The following AKAP13 variants were observed in gnomAD, a reference collection of about 807,000 sequenced individuals.
AKAP13 encodes the protein A-kinase anchoring protein 13, also known as A-kinase anchor protein 13.
In AKAP13, 80 loss-of-function variants were observed where a neutral mutation model predicts 264.5. The observed-to-expected ratio is 0.30, with a 90% CI of 0.25 to 0.36. The LOEUF (loss-of-function observed/expected upper bound fraction) is 0.36. Among genes scored for constraint, AKAP13 ranks in the 10% least tolerant of loss-of-function variants. The pLI is 1.00. For missense variants in AKAP13, 3,712 were observed against 3,435.2 expected (o/e 1.08, Z -2.01); for synonymous variants, 1,380 against 1,250.2 (o/e 1.10, Z -2.19).
At chr15:85,555,507 C>T in intron 5 of AKAP13, 5 of 1,240,192 alleles carry the variant, frequency 4.0e-6, no homozygotes, top group Non-Finnish European at 5.3e-6. Context: ...TATCAGCTTC[C>T]AGACCAATGC....
intron 1 of AKAP13, among the ~76,000 whole-genome samples, chr15:85,468,423 C>T (rs1360121550): frequency 6.6e-6 from 1 of 152,158 alleles, no homozygotes; most frequent in Non-Finnish European, 1.5e-5. Context: ...GGTAATAACT[C>T]TTTGGAAACA....
intron 2 of AKAP13, chr15:85,520,650 A>T: frequency 3.9e-6 from 2 of 519,000 alleles, no homozygotes; most frequent in South Asian, 1.4e-5. Flanking sequence ...TAGGAATGTC[A>T]GATGGTCAGG....
intron 16 of AKAP13, among the ~76,000 whole-genome samples, chr15:85,690,530 C>T (rs1439419330): frequency 2.6e-5 from 4 of 152,016 alleles, no homozygotes; most frequent in Non-Finnish European, 5.9e-5. Context: ...AGTTTTTCTC[C>T]CTTCCTCTCT....
intron 14 of AKAP13, among the ~76,000 whole-genome samples, chr15:85,675,540 A>T (rs1026795470): frequency 6.6e-6 from 1 of 152,168 alleles, no homozygotes; most frequent in Non-Finnish European, 1.5e-5. Context: ...TCTTTTCCGT[A>T]CACCAGGCTA....
chr15:85,594,182 T>G (rs1273129015), intron 8 of AKAP13, among the ~76,000 whole-genome samples: 1 of 152,198 alleles, frequency 6.6e-6, no homozygotes, highest in Non-Finnish European at 1.5e-5. Flanking sequence ...GTGGTACTCA[T>G]TTAACTTTCC....
chr15:85,743,595 T>A lies in AKAP13; in HGVS notation c.8162T>A (p.Leu2721Ter). ...SAPSIAKSGSLDSELSVSPKR... is the reference protein window; with the variant it reads ...SAPSIAKSGS ...CCTTCCATAGCCAAATCAGGGTCAT[T>A]GGACTCAGAACTTTCAGTGTCCCCA... The change falls in exon 36 of 37, where the codon TTG becomes TAG. Residue 2721 changes from leucine to a stop codon, truncating the protein, a stop_gained. Coordinates refer to ENST00000394518, the MANE Select transcript of AKAP13 (RefSeq NM_007200.5). LOFTEE classifies it high-confidence loss of function. The A allele has an allele frequency of 6.2e-7, 1 of 1,614,150 alleles. No individual in the cohort carries two copies.
chr15:85,639,577 G>C, intron 9 of AKAP13, 128 bp downstream of exon 9: 9 of 701,694 alleles, frequency 1.3e-5, no homozygotes, highest in Non-Finnish European at 7.3e-6. Flanking sequence ...TGTGATCTGG[G>C]TTTGTAGGCA....
intron 8 of AKAP13, among the ~76,000 whole-genome samples, chr15:85,599,980 A>G (rs2079983891): frequency 6.6e-6 from 1 of 152,228 alleles, no homozygotes. Context: ...TTAGCAAACA[A>G]ACATCAAGCT....
At chr15:85,648,718 G>C (rs1275605594) in intron 10 of AKAP13, among the ~76,000 whole-genome samples, 1 of 151,992 alleles carries the variant, frequency 6.6e-6, no homozygotes, top group Non-Finnish European at 1.5e-5. Flanking sequence ...GCACACCTGT[G>C]GTCCCAGCTA....
intron 10 of AKAP13, among the ~76,000 whole-genome samples, chr15:85,653,586 G>T (rs527490845): frequency 6.6e-6 from 1 of 152,186 alleles, no homozygotes; most frequent in Admixed American, 6.5e-5. Flanking sequence ...CCTTTAAAAA[G>T]AGTCTCCTTA....
chr15:85,716,027 T>A, intron 20 of AKAP13, 104 bp downstream of exon 20: 1 of 1,399,658 alleles, frequency 7.1e-7, no homozygotes, highest in South Asian at 1.4e-5. Flanking sequence ...AAGAAATAAA[T>A]CTATAAGGTC....
chr15:85,738,844 CAAAA>C (rs71468137), intron 33 of AKAP13, among the ~76,000 whole-genome samples: 11 of 72,408 alleles, frequency 1.5e-4, no homozygotes, highest in South Asian at 9.8e-4. Context: ...GACTCCGTCT[CAAAA>C]AAAAAAAAAA....
At position 85,743,655 on chromosome 15, in the gene AKAP13, A is replaced by G; in HGVS notation, c.8222A>G (p.Lys2741Arg). ...AGCATCTCTCGGACACACAAAGATA[A>G]GGGGCCTTTTCACATACTGAGTTCA... The part of the protein sequence containing the change: ...RNSISRTHKD[K>R]GPFHILSSTS... Residue 2741 changes from lysine (K) to arginine (R), a missense_variant, in exon 36 of 37, where the codon AAG becomes AGG. Lys to Arg is a conservative substitution (Grantham distance 26, BLOSUM62 2). Coordinates refer to ENST00000394518, the MANE Select transcript of AKAP13 (RefSeq NM_007200.5). The G allele has an allele frequency of 6.2e-7, 1 of 1,614,198 alleles. No individual in the cohort carries two copies. The highest frequency in any genetic ancestry group is 1.1e-5 in the South Asian group (1 of 91,088).
chr15:85,527,582 T>G (rs2077112856), intron 3 of AKAP13, among the ~76,000 whole-genome samples: 2 of 152,326 alleles, frequency 1.3e-5, no homozygotes, highest in South Asian at 2.1e-4. Context: ...GCGGAGCACA[T>G]TTTTAGCATT....
At chr15:85,710,537 T>A (rs8037947) in intron 18 of AKAP13, 42 bp from the exon 19 acceptor site, 1,322,213 of 1,599,638 alleles carry the variant, frequency 0.83, 549,646 homozygotes, top group Admixed American at 0.87. Context: ...TCAGGGCTTG[T>A]CAGAGGTGAA....
chr15:85,723,165 A>G lies in AKAP13; in HGVS notation c.6590A>G (p.Lys2197Arg). Reference sequence around the variant, plus strand: ...GACAGCAAAGTGGCAAGTTATGAAAAGAAAGTGCGTCTCAATGAGATTTAT... The same window carrying G: ...GACAGCAAAGTGGCAAGTTATGAAAGGAAAGTGCGTCTCAATGAGATTTAT... Reference protein sequence around the residue: ...AVDSKVASYEKKVRLNEIYTK... With the variant: ...AVDSKVASYERKVRLNEIYTK... The change falls in exon 26 of 37, where the codon AAG (lysine) becomes AGG (arginine). Residue 2197 changes from lysine to arginine, a missense_variant. By Grantham distance (26) the Lys-to-Arg change is conservative. This residue lies in a region of AKAP13 where 342 missense variants were observed against 484.3 expected (regional missense o/e 0.71). Coordinates refer to ENST00000394518, the MANE Select transcript of AKAP13 (RefSeq NM_007200.5). 1 of 1,614,182 alleles carries G rather than the reference A, an allele frequency of 6.2e-7. No homozygotes were observed. Among genetic ancestry groups the G allele is most frequent in the Non-Finnish European group, 8.5e-7 (1 of 1,180,010 alleles).
At chr15:85,545,192 C>G (rs1307660834) in intron 5 of AKAP13, among the ~76,000 whole-genome samples, 1 of 152,208 alleles carries the variant, frequency 6.6e-6, no homozygotes, top group East Asian at 1.9e-4. Context: ...CACTTCCCAT[C>G]TGGCCAATGA....
intron 4 of AKAP13, 25 bp from the exon 5 acceptor site, chr15:85,543,746 AC>A (rs760614603): frequency 1.9e-6 from 3 of 1,571,810 alleles, no homozygotes; most frequent in South Asian, 2.3e-5. Flanking sequence ...TTCCTCACTT[AC>A]GTTCATTTTC....
At chr15:85,482,218 T>G (rs906136725) in intron 1 of AKAP13, among the ~76,000 whole-genome samples, 2 of 152,230 alleles carry the variant, frequency 1.3e-5, no homozygotes, top group African/African-American at 4.8e-5. Flanking sequence ...TTCTATTACT[T>G]GCTTTTTTAT....
Sources: allele counts gnomAD v4.1 joint callset (sites outside exome capture counted in the v4.1 genomes callset), GRCh38; gene constraint gnomAD v4.1.1; regional missense constraint gnomAD v4.1.1; transcripts MANE v1.5; gene names NCBI Gene and HGNC (gene_info 2026-07-23, HGNC 2026-07-21).